The following TENM2 variants were observed in gnomAD, a reference collection of about 807,000 sequenced individuals.
TENM2 encodes the protein teneurin-2.
Under a neutral mutation model 245.2 loss-of-function variants are expected in TENM2, and 52 were observed. The ratio of observed to expected loss-of-function variants is 0.21; its 90% CI spans 0.17 to 0.27. The LOEUF (loss-of-function observed/expected upper bound fraction) is 0.27, where lower values mean the gene tolerates loss of function less well. Among genes scored for constraint, TENM2 ranks in the 10% least tolerant of loss-of-function variants. The pLI is 1.00. For synonymous variants in TENM2, 1,363 were observed against 1,438.9 expected (o/e 0.95, Z 1.19); for missense variants, 3,046 against 3,666.8 (o/e 0.83, Z 4.37).
At chr5:167,759,249 C>T (rs968730709) in intron 2 of TENM2, among the ~76,000 whole-genome samples, 1 of 151,442 alleles carries the variant, frequency 6.6e-6, no homozygotes, top group African/African-American at 2.4e-5. Flanking sequence ...TCTTTCATAA[C>T]AATAAGGCTA....
chr5:167,244,402 CA>C, the TENM2 span, among the ~76,000 whole-genome samples: 1 of 152,094 alleles, frequency 6.6e-6, no homozygotes, highest in African/African-American at 2.4e-5. Context: ...TAAAGAAAAA[CA>C]GGATGGCTAT....
At chr5:167,435,605 G>A (rs1373431161) in intron 2 of TENM2, among the ~76,000 whole-genome samples, 1 of 152,176 alleles carries the variant, frequency 6.6e-6, no homozygotes, top group Non-Finnish European at 1.5e-5. Context: ...TACCAGTAGA[G>A]TGGGGAGCTG....
At chr5:167,458,330 T>C (rs1196814640) in intron 2 of TENM2, among the ~76,000 whole-genome samples, 1 of 150,896 alleles carries the variant, frequency 6.6e-6, no homozygotes, top group Non-Finnish European at 1.5e-5. Context: ...CTACTAAAAA[T>C]ACAAAAATTA....
At chr5:167,718,843 C>G (rs1384713501) in intron 2 of TENM2, among the ~76,000 whole-genome samples, 1 of 151,940 alleles carries the variant, frequency 6.6e-6, no homozygotes, top group Non-Finnish European at 1.5e-5. Flanking sequence ...CCTCTCTGAG[C>G]CTCAGTTTCC....
chr5:167,339,747 C>T (rs1757987595), intron 1 of TENM2, among the ~76,000 whole-genome samples: 1 of 151,982 alleles, frequency 6.6e-6, no homozygotes, highest in South Asian at 2.1e-4. Context: ...GGTGCTTACC[C>T]TCATGAATGA....
At chr5:167,445,995 C>G (rs935557240) in intron 2 of TENM2, among the ~76,000 whole-genome samples, 3 of 152,070 alleles carry the variant, frequency 2.0e-5, no homozygotes, top group Non-Finnish European at 4.4e-5. Flanking sequence ...TTAATCTCCC[C>G]TAGGGTTTGG....
the TENM2 span, among the ~76,000 whole-genome samples, chr5:167,176,780 T>C: frequency 6.6e-6 from 1 of 152,200 alleles, no homozygotes; most frequent in African/African-American, 2.4e-5. Context: ...CCCAAAACTA[T>C]AAAAAAGATA....
chr5:167,900,378 C>T (rs1168257264), intron 3 of TENM2, among the ~76,000 whole-genome samples: 3 of 152,030 alleles, frequency 2.0e-5, no homozygotes, highest in Non-Finnish European at 2.9e-5. Context: ...GTGGAAATTA[C>T]GGTACTGAGA....
the TENM2 span, among the ~76,000 whole-genome samples, chr5:167,020,469 C>A: frequency 6.6e-6 from 1 of 152,160 alleles, no homozygotes; most frequent in Admixed American, 6.5e-5. Flanking sequence ...GCCTACTATA[C>A]CCGACTGGGT....
At chr5:167,387,575 T>A (rs1021443052) in intron 2 of TENM2, among the ~76,000 whole-genome samples, 1 of 152,102 alleles carries the variant, frequency 6.6e-6, no homozygotes. Context: ...GTGGTGAGAG[T>A]GGCAATACTT....
chr5:168,023,012 G>A (rs981407749), intron 5 of TENM2, among the ~76,000 whole-genome samples: 1 of 152,162 alleles, frequency 6.6e-6, no homozygotes, highest in African/African-American at 2.4e-5. Flanking sequence ...AATGGAAGAA[G>A]TTTGCTTGGC....
intron 2 of TENM2, among the ~76,000 whole-genome samples, chr5:167,467,172 TG>T (rs1217365058): frequency 6.6e-6 from 1 of 152,044 alleles, no homozygotes; most frequent in Non-Finnish European, 1.5e-5. Context: ...GATTGGAACA[TG>T]GGGGTGGTTT....
the TENM2 span, among the ~76,000 whole-genome samples, chr5:167,146,977 C>T: frequency 6.6e-6 from 1 of 152,042 alleles, no homozygotes; most frequent in Non-Finnish European, 1.5e-5. Flanking sequence ...AACACATTCG[C>T]AGTGATAGAA....
chr5:167,367,712 A>C (rs1760146386), intron 1 of TENM2, among the ~76,000 whole-genome samples: 1 of 152,142 alleles, frequency 6.6e-6, no homozygotes, highest in African/African-American at 2.4e-5. Flanking sequence ...TGTATGGCTC[A>C]CACATATCTA....
At chr5:167,718,609 C>G (rs1759420228) in intron 2 of TENM2, among the ~76,000 whole-genome samples, 1 of 152,152 alleles carries the variant, frequency 6.6e-6, no homozygotes, top group African/African-American at 2.4e-5. Context: ...TTAAGTGAGT[C>G]TTGATATCTG....
the TENM2 span, among the ~76,000 whole-genome samples, chr5:167,145,038 C>T: frequency 0.2 from 31,134 of 152,118 alleles, 5,398 homozygotes; most frequent in African/African-American, 0.47. Flanking sequence ...GTCCAATCTC[C>T]GCTTTTGCCA....
intron 2 of TENM2, among the ~76,000 whole-genome samples, chr5:167,744,257 C>T (rs111900445): frequency 7.2e-5 from 11 of 152,160 alleles, no homozygotes; most frequent in African/African-American, 2.7e-4. Flanking sequence ...CTGGACTAGG[C>T]ATCAGGCAGT....
At chr5:168,059,919 G>T (rs1049390623) in intron 6 of TENM2, among the ~76,000 whole-genome samples, 5 of 152,150 alleles carry the variant, frequency 3.3e-5, no homozygotes, top group African/African-American at 1.2e-4. Flanking sequence ...GAAATAAATA[G>T]TGTCCCATCT....
the TENM2 span, among the ~76,000 whole-genome samples, chr5:167,267,164 T>C: frequency 6.6e-6 from 1 of 152,198 alleles, no homozygotes; most frequent in African/African-American, 2.4e-5. Flanking sequence ...TTCTGGTCTG[T>C]GCCCTTCTTT....
Sources: allele counts gnomAD v4.1 joint callset (sites outside exome capture counted in the v4.1 genomes callset), GRCh38; gene constraint gnomAD v4.1.1; transcripts MANE v1.5; gene names NCBI Gene and HGNC (gene_info 2026-07-23, HGNC 2026-07-21).